LAT2: variants seen among roughly 807,000 people sequenced by gnomAD.
The protein encoded by LAT2 is linker for activation of T-cells family member 2.
A neutral mutation model predicts 43.4 loss-of-function variants in LAT2; 23 were observed. The ratio of observed to expected loss-of-function variants is 0.53; its 90% CI spans 0.38 to 0.75. The LOEUF (loss-of-function observed/expected upper bound fraction) is 0.75, where lower values mean the gene tolerates loss of function less well. Among genes scored for constraint, LAT2 ranks in the 30% least tolerant of loss-of-function variants. The pLI, the probability that LAT2 is intolerant of heterozygous loss-of-function variation, is 0.00. For missense variants in LAT2, 284 were observed against 310.2 expected, an observed-to-expected ratio of 0.92 and a Z score of 0.64; for synonymous variants, 128 against 123.2, an observed-to-expected ratio of 1.04 and a Z score of -0.26.
intron 1 of LAT2, among the ~76,000 whole-genome samples, chr7:74,211,887 C>T (rs182326793): frequency 2.0e-5 from 3 of 152,226 alleles, no homozygotes; most frequent in Admixed American, 6.5e-5. Context: ...CTACCGCACC[C>T]GGCCAACAGC....
chr7:74,228,251 C>T (rs1435840786), intron 13 of LAT2, among the ~76,000 whole-genome samples: 2 of 137,126 alleles, frequency 1.5e-5, no homozygotes, highest in African/African-American at 2.7e-5. Context: ...CTGAGGCGGG[C>T]GGATCACAAG....
chr7:74,221,735 G>T (rs1802291789), intron 10 of LAT2, 43 bp downstream of exon 10: 2 of 1,568,598 alleles, frequency 1.3e-6, no homozygotes, highest in South Asian at 1.1e-5. Flanking sequence ...AGTGGTGTGG[G>T]AGCTCAGGGC....
chr7:74,223,331 A>G (rs903749168), intron 10 of LAT2, among the ~76,000 whole-genome samples: 2 of 152,150 alleles, frequency 1.3e-5, no homozygotes, highest in Admixed American at 1.3e-4. Context: ...TCTACAAACA[A>G]TTTTAAAAGT....
intron 4 of LAT2, among the ~76,000 whole-genome samples, chr7:74,218,061 C>A (rs1420643700): frequency 6.6e-6 from 1 of 152,108 alleles, no homozygotes; most frequent in Admixed American, 6.6e-5. Context: ...GCCCTGCCCA[C>A]CCCCAGCCCC....
chr7:74,224,650 A>G lies in LAT2; in HGVS notation c.640A>G (p.Arg214Gly). Residue 214 changes from arginine (R) to glycine (G), a missense_variant, in exon 13 of 14, where the codon AGA (arginine) becomes GGA (glycine). Coordinates refer to ENST00000460943, the MANE Select transcript of LAT2 (RefSeq NM_032464.3). ...ESRKVMGQLQ[R>G]EASPGPVGSP... Reference sequence around the variant, plus strand: ...CCGCTGGTCCACAGGGCAACTCCAGAGAGAAGCATCCCCTGGCCCGGTGGG... The same window carrying G: ...CCGCTGGTCCACAGGGCAACTCCAGGGAGAAGCATCCCCTGGCCCGGTGGG... 6.2e-7 allele frequency: 1 copy of G among 1,602,514 alleles called. No homozygotes were observed. The highest frequency in any genetic ancestry group is 1.1e-5 in the South Asian group (1 of 88,800).
At chr7:74,221,987 G>T (rs900802109) in intron 10 of LAT2, among the ~76,000 whole-genome samples, 93 of 152,150 alleles carry the variant, frequency 6.1e-4, no homozygotes, top group Non-Finnish European at 1.1e-3. Flanking sequence ...TGTCAACGAG[G>T]ACTGAGCATC....
At chr7:74,214,471 A>T (rs1224721538) in intron 1 of LAT2, among the ~76,000 whole-genome samples, 13 of 32,994 alleles carry the variant, frequency 3.9e-4, no homozygotes, top group Non-Finnish European at 4.4e-4. Flanking sequence ...TATATATATA[A>T]ATATATATAT....
chr7:74,228,543 TG>T (rs1370821506), intron 13 of LAT2, among the ~76,000 whole-genome samples: 1 of 145,946 alleles, frequency 6.9e-6, no homozygotes, highest in African/African-American at 2.6e-5. Context: ...CCCAGCACTT[TG>T]GGAAGCCGAG....
chr7:74,224,267 G>A (rs1424418860), intron 12 of LAT2, 70 bp downstream of exon 12: 49 of 1,510,168 alleles, frequency 3.2e-5, no homozygotes, highest in Non-Finnish European at 4.2e-5. Context: ...TGGAAGGGCA[G>A]GCTGAAAGTG....
rs1801935200 is a variant in LAT2 at position 74,214,601 on chromosome 7, AATATATATAAATATATATATGAATAT to A, written c.-218-211_-218-186del. ...ATATATATATAAATATATATATGAA[AATATATATAAATATATATATGAATAT>A]ATATATATATATATGAAAATATATA... On this transcript the variant is annotated intron_variant, in intron 1 of 13. Coordinates refer to ENST00000460943, the MANE Select transcript of LAT2 (RefSeq NM_032464.3). Among the ~76,000 whole-genome samples the A allele has an allele frequency of 2.7e-3, 2 of 752 alleles. 1 individual carries two copies. 0.5% of individuals were successfully genotyped at this position (752 alleles called of 152,430 possible).
In LAT2 at chr7:74,224,633, C is replaced by A; in HGVS notation, c.629-6C>A. On this transcript the variant is annotated splice_region_variant and splice_polypyrimidine_tract_variant and intron_variant, in intron 12 of 13. Coordinates refer to ENST00000460943, the MANE Select transcript of LAT2 (RefSeq NM_032464.3). Reference sequence around the variant, plus strand: ...CTCGATGACCTGTCTGCCCGCTGGTCCACAGGGCAACTCCAGAGAGAAGCA... The same window carrying A: ...CTCGATGACCTGTCTGCCCGCTGGTACACAGGGCAACTCCAGAGAGAAGCA... 4.4e-6 allele frequency: 7 copies of A among 1,591,254 alleles called. No individual in the cohort carries two copies. The highest frequency in any genetic ancestry group is 3.4e-6 in the Non-Finnish European group (4 of 1,168,738).
In LAT2 at chr7:74,220,205, C is replaced by G. The variant is rs781830913; in HGVS notation, c.228-12C>G. Reference sequence around the variant, plus strand: ...GCCCCTCCTTTAACTCCCTCCTTCCCCCTCCCTGCAGGAAGGACAAGCTGT... The same window carrying G: ...GCCCCTCCTTTAACTCCCTCCTTCCGCCTCCCTGCAGGAAGGACAAGCTGT... On this transcript the variant is annotated splice_polypyrimidine_tract_variant and intron_variant, in intron 6 of 13. Coordinates refer to ENST00000460943, the MANE Select transcript of LAT2 (RefSeq NM_032464.3). This position sits in a 1 kb window ranked among gnomAD's most constrained non-coding sequence, Gnocchi z 4.5. 38 of 1,604,290 alleles carry G rather than the reference C, an allele frequency of 2.4e-5. No homozygotes were observed. The South Asian group carries it at 4.1e-4, about 17-fold the overall frequency.
Position 74,220,129 on chromosome 7 carries a change from G to A in LAT2, c.228-88G>A. On this transcript the variant is annotated intron_variant, in intron 6 of 13. Coordinates refer to ENST00000460943, the MANE Select transcript of LAT2 (RefSeq NM_032464.3). The surrounding 1 kb of genome is among the most constrained non-coding windows in gnomAD (Gnocchi z 4.5). ...CAGAGCTCCAGGGCTCAGCTATGAAGGCCCCACAAGGGGTATGGGGGGATG... is the reference window on the plus strand; with the variant it reads ...CAGAGCTCCAGGGCTCAGCTATGAAAGCCCCACAAGGGGTATGGGGGGATG... 1 of 1,556,700 alleles carries A rather than the reference G, an allele frequency of 6.4e-7. No individual in the cohort carries two copies. The highest frequency in any genetic ancestry group is 8.8e-7 in the Non-Finnish European group (1 of 1,140,096).
rs375534059 is a variant in LAT2 at position 74,219,991 on chromosome 7, G to A, written c.210G>A (p.Ala70=). The change falls in exon 6 of 14, where the codon GCG becomes GCA. Residue 70 remains alanine, a synonymous_variant. Transcript: ENST00000460943. ...LVGQAWPGPL[A]DMAPTRKDKL... ...GGCAGGCATGGCCAGGACCCCTGGC[G>A]GACATGGCACCCACAAGGTAGGTCA... 4.2e-4 allele frequency: 676 copies of A among 1,613,644 alleles called. 2 individuals carry two copies. Among genetic ancestry groups the A allele is most frequent in the South Asian group, 8.7e-4 (79 of 91,084 alleles).
intron 4 of LAT2, among the ~76,000 whole-genome samples, chr7:74,218,331 C>G (rs1334803249): frequency 1.3e-5 from 2 of 152,190 alleles, no homozygotes; most frequent in East Asian, 3.9e-4. Flanking sequence ...AATCAGGTCA[C>G]CCTGAGCCCC....
At chr7:74,221,736 A>G (rs781944333) in intron 10 of LAT2, 44 bp downstream of exon 10, 5 of 1,553,656 alleles carry the variant, frequency 3.2e-6, no homozygotes, top group Non-Finnish European at 4.4e-6. Context: ...GTGGTGTGGG[A>G]GCTCAGGGCA....
At chr7:74,221,741 A>C in intron 10 of LAT2, 49 bp downstream of exon 10, 32 of 1,524,962 alleles carry the variant, frequency 2.1e-5, no homozygotes, top group Non-Finnish European at 2.5e-5. Context: ...GTGGGAGCTC[A>C]GGGCAGAAGC....
At chr7:74,213,936 A>G (rs938245790) in intron 1 of LAT2, among the ~76,000 whole-genome samples, 10 of 149,528 alleles carry the variant, frequency 6.7e-5, no homozygotes, top group African/African-American at 2.5e-4. Flanking sequence ...AGCCATCTCC[A>G]GGGGGCCAGG....
intron 13 of LAT2, among the ~76,000 whole-genome samples, chr7:74,228,570 G>C (rs1248925943): frequency 4.0e-5 from 6 of 150,844 alleles, no homozygotes; most frequent in African/African-American, 1.5e-4. Context: ...CGGATCACGA[G>C]GTCAGGAGAT....
Sources: gnomAD v4.1 joint callset for allele counts (sites outside exome capture counted in the v4.1 genomes callset) on GRCh38, gnomAD v4.1.1 for gene constraint, Gnocchi (gnomAD v3.1) non-coding constraint, MANE v1.5 for transcripts, NCBI Gene and HGNC (gene_info 2026-07-23, HGNC 2026-07-21) for gene names.